The following BRSK1 variants were observed in gnomAD, a reference collection of about 807,000 sequenced individuals.
The protein encoded by BRSK1 is BR serine/threonine kinase 1, also known as serine/threonine-protein kinase BRSK1.
In BRSK1, 17 loss-of-function variants were observed where a neutral mutation model predicts 86.2. The ratio of observed to expected loss-of-function variants is 0.20; its 90% CI spans 0.14 to 0.30. BRSK1 has a LOEUF of 0.30. Ranked by LOEUF, BRSK1 falls within the 10% of genes least tolerant of loss-of-function variation. The pLI is 1.00. For synonymous variants in BRSK1, 464 were observed against 440.1 expected (o/e 1.05, Z -0.68); for missense variants, 719 against 1,071.9 (o/e 0.67, Z 4.60).
At chr19:55,296,430 A>T (rs2088487831) in intron 7 of BRSK1, among the ~76,000 whole-genome samples, 1 of 151,948 alleles carries the variant, frequency 6.6e-6, no homozygotes, top group Non-Finnish European at 1.5e-5. Flanking sequence ...GGGCGCAATG[A>T]CTCACGCCAG....
Position 55,302,787 on chromosome 19 carries a change from C to T in BRSK1, c.948C>T (p.Asp316=), listed in dbSNP as rs779367841. ...MRSLPSNGEL[D]PDVLESMASL... ...GCCTGCCATCCAACGGAGAGCTGGA[C>T]CCCGACGTCCTAGAGAGCATGGCAT... Residue 316 remains aspartate (D), a synonymous_variant, in exon 10 of 19, where the codon GAC becomes GAT. Coordinates refer to ENST00000309383, the MANE Select transcript of BRSK1 (RefSeq NM_032430.2). The surrounding 1 kb of genome is among the most constrained non-coding windows in gnomAD (Gnocchi z 6.3). 1 of 1,613,816 alleles carries T rather than the reference C, an allele frequency of 6.2e-7. No homozygotes were observed. Among genetic ancestry groups the T allele is most frequent in the South Asian group, 1.1e-5 (1 of 91,088 alleles).
Position 55,302,738 on chromosome 19 carries a change from C to G in BRSK1, c.899C>G (p.Pro300Arg), listed in dbSNP as rs2088590547. The part of the protein sequence containing the change: ...HEPDPCLEPA[P>R]GRRVAMRSLP... ...CCAGACCCGTGCCTGGAGCCAGCCC[C>G]TGGCCGCCGGGTAGCCATGCGGAGC... Residue 300 changes from proline (P) to arginine (R), a missense_variant, in exon 10 of 19, where the codon CCT becomes CGT. Physicochemically the swap from Pro to Arg is moderately radical, Grantham distance 103. This residue lies in a region of BRSK1 where 168 missense variants were observed against 246.3 expected (regional missense o/e 0.68). Transcript: ENST00000309383. This position sits in a 1 kb window ranked among gnomAD's most constrained non-coding sequence, Gnocchi z 6.3. The G allele has an allele frequency of 6.2e-7, 1 of 1,612,914 alleles. No homozygotes were observed. The highest frequency in any genetic ancestry group is 8.5e-7 in the Non-Finnish European group (1 of 1,179,370).
intron 17 of BRSK1, among the ~76,000 whole-genome samples, chr19:55,308,169 C>G (rs866771349): frequency 6.6e-6 from 1 of 151,436 alleles, no homozygotes; most frequent in South Asian, 2.1e-4. Context: ...TACAGGCATG[C>G]GTCACCATGC....
Position 55,284,489 on chromosome 19 carries a change from A to ACCAACC in BRSK1, c.49_50insAACCCC (p.His16_Leu17insGlnPro). 6 of 764,816 alleles carry ACCAACC rather than the reference A, an allele frequency of 7.8e-6. No homozygotes were observed. The highest frequency in any genetic ancestry group is 1.9e-5 in the African/African-American group (1 of 53,072). The allele number at this position is 764,816 out of a possible 1,614,324, so 47.4% of individuals were successfully genotyped here. ...GGAGGTGGGGGCTCTCCCGCCTACCACCTCCCCCACCCCCACCCCCACCCA... is the reference window on the plus strand; with the variant it reads ...GGAGGTGGGGGCTCTCCCGCCTACCACCAACCCCTCCCCCACCCCCACCCCCACCCA... On this transcript the variant is annotated inframe_insertion, in exon 1 of 19. Coordinates refer to ENST00000309383, the MANE Select transcript of BRSK1 (RefSeq NM_032430.2).
intron 4 of BRSK1, among the ~76,000 whole-genome samples, chr19:55,293,344 A>G (rs1328871349): frequency 6.6e-6 from 1 of 152,146 alleles, no homozygotes; most frequent in Non-Finnish European, 1.5e-5. Flanking sequence ...AAAAATAAAA[A>G]TACAAAAATT....
At chr19:55,305,760 A>G (rs991303244) in intron 16 of BRSK1, among the ~76,000 whole-genome samples, 174 bp downstream of exon 16, 1 of 152,148 alleles carries the variant, frequency 6.6e-6, no homozygotes, top group Non-Finnish European at 1.5e-5. Context: ...TATCGTGGCC[A>G]GAGGCCTGGA....
Position 55,303,282 on chromosome 19 carries a change from C to G in BRSK1, c.1029-29C>G. 6.3e-7 allele frequency: 1 copy of G among 1,577,372 alleles called. No individual in the cohort carries two copies. The highest frequency in any genetic ancestry group is 8.7e-7 in the Non-Finnish European group (1 of 1,147,012). ...GTTGGACCTCAGCCCTCTGCTACCT[C>G]TTTCCACCTTTCCCACCCCCTGCCT... On this transcript the variant is annotated intron_variant, in intron 10 of 18. Transcript: ENST00000309383. This position sits in a 1 kb window ranked among gnomAD's most constrained non-coding sequence, Gnocchi z 5.1.
intron 7 of BRSK1, among the ~76,000 whole-genome samples, chr19:55,295,974 A>T (rs2088480840): frequency 6.6e-6 from 1 of 152,048 alleles, no homozygotes; most frequent in African/African-American, 2.4e-5. Flanking sequence ...ATCTAAAAAT[A>T]TATATATATA....
At chr19:55,311,614 A>C in intron 18 of BRSK1, among the ~76,000 whole-genome samples, 1 of 152,166 alleles carries the variant, frequency 6.6e-6, no homozygotes, top group Admixed American at 6.5e-5. Flanking sequence ...AGAATCTGAG[A>C]GTCTCCTAAA....
chr19:55,293,079 G>C lies in BRSK1; in HGVS notation c.459-938G>C, dbSNP rs1411116718. On this transcript the variant is annotated intron_variant, in intron 4 of 18. Transcript: ENST00000309383. ...TCTCTAAAAATAAAAAACAAAATAG[G>C]CCGGGCGCGGTGGCTCACCCCTGTA... 7.2e-5 allele frequency among the ~76,000 whole-genome samples: 11 copies of C among 152,198 alleles called. No individual in the cohort carries two copies. In the South Asian group the frequency reaches 1.5e-3, roughly 20 times the overall value.
At chr19:55,299,751 G>A (rs2088543814) in intron 7 of BRSK1, among the ~76,000 whole-genome samples, 1 of 152,084 alleles carries the variant, frequency 6.6e-6, no homozygotes. Flanking sequence ...GTTTCACAGA[G>A]GAGAGGAAAC....
intron 4 of BRSK1, 57 bp downstream of exon 4, chr19:55,289,677 T>G: frequency 1.3e-6 from 2 of 1,590,202 alleles, no homozygotes; most frequent in Non-Finnish European, 1.7e-6. Context: ...AGACAGGCCC[T>G]TGGGGGCATG....
Position 55,294,275 on chromosome 19 carries a change from G to T in BRSK1, c.609+28G>T. The T allele has an allele frequency of 6.2e-7, 1 of 1,614,156 alleles. No individual in the cohort carries two copies. The highest frequency in any genetic ancestry group is 1.1e-5 in the South Asian group (1 of 91,076). Reference sequence around the variant, plus strand: ...GAGTGAGGGGCGGATAGAGGGGAGAGGGGTGGAGGCAGCAGTGAGGAGCGA... The same window carrying T: ...GAGTGAGGGGCGGATAGAGGGGAGATGGGTGGAGGCAGCAGTGAGGAGCGA... On this transcript the variant is annotated intron_variant, in intron 6 of 18. Transcript: ENST00000309383. The surrounding 1 kb of genome is among the most constrained non-coding windows in gnomAD (Gnocchi z 4.9).
chr19:55,301,795 G>T, intron 8 of BRSK1, 137 bp downstream of exon 8: 1 of 1,139,418 alleles, frequency 8.8e-7, no homozygotes, highest in South Asian at 1.5e-5. Flanking sequence ...CTGAGCCGCA[G>T]CCCAAGGTCC....
At chr19:55,286,720 G>A (rs12975295) in intron 1 of BRSK1, among the ~76,000 whole-genome samples, 17,234 of 151,536 alleles carry the variant, frequency 0.11, 1,167 homozygotes, top group Middle Eastern at 0.2. Context: ...CGTGGCAGGC[G>A]GGCTCCCCAG....
rs1219948614 is a variant in BRSK1 at position 55,286,916 on chromosome 19, A to T, written c.137-91A>T. The T allele has an allele frequency of 3.5e-6, 4 of 1,151,424 alleles. No homozygotes were observed. In the African/African-American group the frequency reaches 6.1e-5, roughly 18 times the overall value. 71.3% of individuals were successfully genotyped at this position (1,151,424 alleles called of 1,614,324 possible). A position where few individuals can be genotyped will look rare whatever the true frequency, so the allele number is the denominator to read the frequency against. On this transcript the variant is annotated intron_variant, in intron 1 of 18. Transcript: ENST00000309383. Reference sequence around the variant, plus strand: ...TTGTTAAACAGCCAGCCCAGGAGGAAGGAGCAAACAGGGTGGCCAAGGGGG... The same window carrying T: ...TTGTTAAACAGCCAGCCCAGGAGGATGGAGCAAACAGGGTGGCCAAGGGGG...
chr19:55,294,443 T>A lies in BRSK1; in HGVS notation c.678+46T>A. ...CTGTCATTTCTAGATCAATCCCACC[T>A]GGTGGGAGCATAGGACAGTACCTTC... On this transcript the variant is annotated intron_variant, in intron 7 of 18. Coordinates refer to ENST00000309383, the MANE Select transcript of BRSK1 (RefSeq NM_032430.2). The surrounding 1 kb of genome is among the most constrained non-coding windows in gnomAD (Gnocchi z 4.9). The A allele has an allele frequency of 6.4e-6, 10 of 1,570,884 alleles. No individual in the cohort carries two copies. Among genetic ancestry groups the A allele is most frequent in the Non-Finnish European group, 8.7e-6 (10 of 1,143,926 alleles).
chr19:55,284,493 C>T lies in BRSK1; in HGVS notation c.51C>T (p.Leu17=). Residue 17 remains leucine, a synonymous_variant, in exon 1 of 19, where the codon CTC becomes CTT. Coordinates refer to ENST00000309383, the MANE Select transcript of BRSK1 (RefSeq NM_032430.2). ...GTGGGGGCTCTCCCGCCTACCACCT[C>T]CCCCACCCCCACCCCCACCCACCCC... ...EGGGGSPAYH[L]PHPHPHPPQH... 3.0e-6 allele frequency: 2 copies of T among 656,760 alleles called. No homozygotes were observed. The highest frequency in any genetic ancestry group is 4.8e-6 in the Non-Finnish European group (2 of 415,640). The allele number at this position is 656,760 out of a possible 1,614,324, so 40.7% of individuals were successfully genotyped here.
chr19:55,285,989 G>A lies in BRSK1; in HGVS notation c.137-1018G>A, dbSNP rs551515267. 8.3e-5 allele frequency among the ~76,000 whole-genome samples: 12 copies of A among 144,614 alleles called. No homozygotes were observed. In the East Asian group the frequency reaches 1.3e-3, roughly 16 times the overall value. The allele number at this position is 144,614 out of a possible 152,430, so 94.9% of individuals were successfully genotyped here. A position where few individuals can be genotyped will look rare whatever the true frequency, so the allele number is the denominator to read the frequency against. On this transcript the variant is annotated intron_variant, in intron 1 of 18. Transcript: ENST00000309383. ...GGGCTGGGCCTGGAGTGCTGGGTCT[G>A]AGGGAGGAGGAACTGGGGGTCTGGA...
Sources: gnomAD v4.1 joint callset for allele counts (sites outside exome capture counted in the v4.1 genomes callset) on GRCh38, gnomAD v4.1.1 for gene constraint, gnomAD v4.1.1 regional missense constraint, Gnocchi (gnomAD v3.1) non-coding constraint, MANE v1.5 for transcripts, NCBI Gene and HGNC (gene_info 2026-07-23, HGNC 2026-07-21) for gene names.